Variants in ERC2 observed in about 807,000 individuals in gnomAD.
The protein encoded by ERC2 is ERC protein 2.
ERC2 carries 42 observed loss-of-function variants against 114.8 expected under a neutral mutation model. The observed-to-expected ratio is 0.37, with a 90% CI of 0.29 to 0.47. The LOEUF (loss-of-function observed/expected upper bound fraction) is 0.47. Among genes scored for constraint, ERC2 ranks in the 20% least tolerant of loss-of-function variants. The pLI, the probability that ERC2 is intolerant of heterozygous loss-of-function variation, is 0.99. For synonymous variants in ERC2, 454 were observed against 425.5 expected, an observed-to-expected ratio of 1.07 and a Z score of -0.82; for missense variants, 939 against 1,150.7, an observed-to-expected ratio of 0.82 and a Z score of 2.66.
chr3:55,605,030 T>C (rs1252304927), intron 17 of ERC2, among the ~76,000 whole-genome samples: 1 of 152,180 alleles, frequency 6.6e-6, no homozygotes, highest in Non-Finnish European at 1.5e-5. Flanking sequence ...CAGTGGCTCT[T>C]CAAGGCACTG....
intron 2 of ERC2, among the ~76,000 whole-genome samples, chr3:56,377,348 T>C (rs940704748): frequency 1.3e-5 from 2 of 152,214 alleles, no homozygotes; most frequent in Admixed American, 1.3e-4. Context: ...GTGCAATGTC[T>C]ATAATGCAGA....
chr3:56,361,410 G>A (rs1283457559), intron 2 of ERC2, among the ~76,000 whole-genome samples: 2 of 152,132 alleles, frequency 1.3e-5, no homozygotes, highest in Admixed American at 1.3e-4. Flanking sequence ...GGATTCTGAA[G>A]TGAAAACAGA....
chr3:55,562,376 C>G (rs1216610105), intron 17 of ERC2, among the ~76,000 whole-genome samples: 4 of 152,054 alleles, frequency 2.6e-5, no homozygotes, highest in Non-Finnish European at 1.5e-5. Flanking sequence ...TGGTCTCAAA[C>G]CCCTGATCTC....
chr3:56,106,065 G>T (rs2078642414), intron 6 of ERC2, among the ~76,000 whole-genome samples: 1 of 152,230 alleles, frequency 6.6e-6, no homozygotes, highest in South Asian at 2.1e-4. Flanking sequence ...CTGAATAAGA[G>T]AAGTTTTTAA....
chr3:55,920,447 C>CACACACACA (rs59688935), intron 13 of ERC2, among the ~76,000 whole-genome samples: 6 of 139,686 alleles, frequency 4.3e-5, no homozygotes, highest in African/African-American at 1.4e-4. Flanking sequence ...CACACACACA[C>CACACACACA]CCCAAGTGAG....
At chr3:55,846,982 C>G (rs1248754308) in intron 14 of ERC2, among the ~76,000 whole-genome samples, 2 of 152,104 alleles carry the variant, frequency 1.3e-5, no homozygotes, top group Non-Finnish European at 2.9e-5. Context: ...TAGGCCTGAC[C>G]TGGAAACCAG....
chr3:56,389,596 C>G (rs1325009643), intron 2 of ERC2, among the ~76,000 whole-genome samples: 2 of 152,138 alleles, frequency 1.3e-5, no homozygotes, highest in Non-Finnish European at 2.9e-5. Context: ...AGGGAGGAGA[C>G]CAGACATTAG....
intron 2 of ERC2, among the ~76,000 whole-genome samples, chr3:56,383,719 T>C (rs1418065870): frequency 6.6e-6 from 1 of 152,166 alleles, no homozygotes; most frequent in African/African-American, 2.4e-5. Flanking sequence ...ATTTTAACCA[T>C]CTCAAGTGTA....
intron 6 of ERC2, among the ~76,000 whole-genome samples, chr3:56,136,747 C>A (rs924110212): frequency 6.6e-6 from 1 of 152,098 alleles, no homozygotes; most frequent in African/African-American, 2.4e-5. Flanking sequence ...AATTGCTCCC[C>A]CTAAGAGACA....
intron 17 of ERC2, among the ~76,000 whole-genome samples, chr3:55,539,457 C>G (rs1188212250): frequency 1.9e-5 from 1 of 52,176 alleles, no homozygotes; most frequent in African/African-American, 5.4e-5. Context: ...GAGTCTTGCT[C>G]TGTCGCCCAG....
chr3:56,136,933 T>A (rs916260590), intron 6 of ERC2, among the ~76,000 whole-genome samples: 11 of 152,216 alleles, frequency 7.2e-5, no homozygotes, highest in Non-Finnish European at 1.5e-4. Flanking sequence ...ACACGGAGAA[T>A]AATTTTTTTC....
chr3:56,340,542 ATGTGTGTG>A (rs10690369), intron 2 of ERC2, among the ~76,000 whole-genome samples: 68 of 141,526 alleles, frequency 4.8e-4, no homozygotes, highest in East Asian at 8.4e-4. Context: ...GAGAGAGTGA[ATGTGTGTG>A]TGTGTGTGTG....
chr3:55,945,126 G>T (rs532466121), intron 13 of ERC2, among the ~76,000 whole-genome samples: 2 of 152,298 alleles, frequency 1.3e-5, no homozygotes, highest in East Asian at 3.9e-4. Context: ...TTAAACAAAT[G>T]TGGATTCTCT....
At chr3:56,218,828 T>C (rs1385224545) in intron 3 of ERC2, among the ~76,000 whole-genome samples, 1 of 152,206 alleles carries the variant, frequency 6.6e-6, no homozygotes, top group Non-Finnish European at 1.5e-5. Context: ...GATGAGTTCA[T>C]GTCCTTTGTA....
intron 13 of ERC2, among the ~76,000 whole-genome samples, chr3:55,939,307 CAT>C (rs2066637016): frequency 6.6e-6 from 1 of 152,214 alleles, no homozygotes; most frequent in Non-Finnish European, 1.5e-5. Context: ...TGTCAGTTAT[CAT>C]CAGTAAGAAT....
intron 2 of ERC2, among the ~76,000 whole-genome samples, chr3:56,319,459 G>A (rs1171980341): frequency 6.6e-6 from 1 of 152,162 alleles, no homozygotes; most frequent in Non-Finnish European, 1.5e-5. Flanking sequence ...CATAGTGGTT[G>A]TCAAGGGCTA....
intron 17 of ERC2, among the ~76,000 whole-genome samples, chr3:55,548,858 C>A (rs2054946769): frequency 6.6e-6 from 1 of 152,136 alleles, no homozygotes; most frequent in Non-Finnish European, 1.5e-5. Context: ...AGACAGCCAC[C>A]ACCTCTCCCT....
chr3:55,908,486 G>A (rs1299415617), intron 13 of ERC2, among the ~76,000 whole-genome samples: 3 of 152,120 alleles, frequency 2.0e-5, no homozygotes, highest in Non-Finnish European at 4.4e-5. Context: ...GTGAACAGAG[G>A]AGGAAAGGAA....
At chr3:56,204,822 C>CT (rs1382667284) in intron 3 of ERC2, among the ~76,000 whole-genome samples, 1 of 152,022 alleles carries the variant, frequency 6.6e-6, no homozygotes, top group East Asian at 1.9e-4. Context: ...TTTGAAAACA[C>CT]TGGAATATCT....
Sources: gnomAD v4.1 joint callset for allele counts (sites outside exome capture counted in the v4.1 genomes callset) on GRCh38, gnomAD v4.1.1 for gene constraint, MANE v1.5 for transcripts, NCBI Gene and HGNC (gene_info 2026-07-23, HGNC 2026-07-21) for gene names.